PDE1C: variants seen among roughly 807,000 people sequenced by gnomAD.
The protein encoded by PDE1C is dual specificity calcium/calmodulin-dependent 3',5'-cyclic nucleotide phosphodiesterase 1C.
Under a neutral mutation model 93.1 loss-of-function variants are expected in PDE1C, and 62 were observed. That is an observed-to-expected ratio of 0.67 (90% CI 0.54 to 0.82). The LOEUF is 0.82. PDE1C is among the 40% of genes least tolerant of loss of function. PDE1C has a pLI of 0.00. For missense variants in PDE1C, 742 were observed against 884.6 expected (o/e 0.84, Z 2.04); for synonymous variants, 325 against 310.1 (o/e 1.05, Z -0.50).
intron 3 of PDE1C, among the ~76,000 whole-genome samples, chr7:32,109,121 T>A (rs1798505691): frequency 6.6e-6 from 1 of 152,176 alleles, no homozygotes; most frequent in African/African-American, 2.4e-5. Flanking sequence ...GGACACAGCA[T>A]GAGTCACTGA....
chr7:32,052,889 C>A (rs1294776034), intron 1 of PDE1C, among the ~76,000 whole-genome samples: 3 of 152,050 alleles, frequency 2.0e-5, no homozygotes, highest in Non-Finnish European at 4.4e-5. Flanking sequence ...CAAATCACTC[C>A]TTTTTAGTTT....
At chr7:31,650,969 A>G in the PDE1C span, among the ~76,000 whole-genome samples, 11 of 152,082 alleles carry the variant, frequency 7.2e-5, no homozygotes, top group Non-Finnish European at 2.9e-5. Flanking sequence ...CACTGTCACT[A>G]GTTGTTTTGT....
intron 1 of PDE1C, among the ~76,000 whole-genome samples, chr7:32,360,234 C>T (rs193203088): frequency 5.3e-5 from 8 of 152,276 alleles, no homozygotes; most frequent in East Asian, 3.9e-4. Context: ...TACCATGAAA[C>T]GTTAATTGTC....
chr7:32,283,673 C>T (rs1381771127), intron 1 of PDE1C, among the ~76,000 whole-genome samples: 1 of 152,158 alleles, frequency 6.6e-6, no homozygotes, highest in Non-Finnish European at 1.5e-5. Flanking sequence ...ATTACAGCTG[C>T]TATGACAACA....
At chr7:32,207,119 C>T (rs1805630734) in intron 2 of PDE1C, among the ~76,000 whole-genome samples, 1 of 152,098 alleles carries the variant, frequency 6.6e-6, no homozygotes, top group African/African-American at 2.4e-5. Context: ...CTGGTAGATC[C>T]AGAGTCTCAC....
the PDE1C span, chr7:31,656,141 T>C: frequency 1.9e-6 from 1 of 513,604 alleles, no homozygotes; most frequent in Non-Finnish European, 2.5e-6. Context: ...GCTTTTTTGT[T>C]AAAACACTGA....
chr7:32,082,595 G>A (rs1224117895), intron 3 of PDE1C, among the ~76,000 whole-genome samples: 8 of 152,186 alleles, frequency 5.3e-5, no homozygotes, highest in Non-Finnish European at 7.3e-5. Flanking sequence ...TAACTGGGAG[G>A]CACCCCCCAG....
intron 2 of PDE1C, among the ~76,000 whole-genome samples, chr7:31,905,057 C>T (rs1306378911): frequency 6.6e-6 from 1 of 152,074 alleles, no homozygotes; most frequent in African/African-American, 2.4e-5. Flanking sequence ...TCATACAGCT[C>T]ACAGCCTAAT....
intron 2 of PDE1C, among the ~76,000 whole-genome samples, chr7:32,004,874 T>C (rs1188522970): frequency 6.6e-6 from 1 of 152,258 alleles, no homozygotes; most frequent in Non-Finnish European, 1.5e-5. Flanking sequence ...GAATACACTT[T>C]TTAACATATT....
At chr7:32,157,163 C>G (rs1305250191) in intron 3 of PDE1C, among the ~76,000 whole-genome samples, 3 of 152,336 alleles carry the variant, frequency 2.0e-5, no homozygotes, top group Admixed American at 6.5e-5. Flanking sequence ...GGCTGAAAAA[C>G]TGTTTCAGTT....
At chr7:32,299,242 G>A (rs1812819310) in exon 1 of PDE1C, 1 of 987,922 alleles carries the variant, frequency 1.0e-6, no homozygotes, top group Non-Finnish European at 1.2e-6. Flanking sequence ...TGGCAGACCG[G>A]GGAGCTTCCA....
intron 1 of PDE1C, among the ~76,000 whole-genome samples, chr7:32,320,194 G>A (rs550736448): frequency 6.6e-6 from 1 of 152,264 alleles, no homozygotes; most frequent in Admixed American, 6.5e-5. Flanking sequence ...TTTTGTATGT[G>A]CAGTATATTT....
At chr7:31,886,463 T>C (rs1164713049) in intron 2 of PDE1C, among the ~76,000 whole-genome samples, 1 of 152,224 alleles carries the variant, frequency 6.6e-6, no homozygotes, top group Non-Finnish European at 1.5e-5. Flanking sequence ...GGGTGTCTTT[T>C]GTGTGCAGGC....
chr7:32,048,838 T>C (rs1215572836), intron 2 of PDE1C, among the ~76,000 whole-genome samples: 1 of 152,214 alleles, frequency 6.6e-6, no homozygotes, highest in Non-Finnish European at 1.5e-5. Context: ...ATTCACACTT[T>C]AAATGACTTC....
intron 2 of PDE1C, among the ~76,000 whole-genome samples, chr7:32,014,758 G>T (rs906969821): frequency 1.3e-5 from 2 of 152,100 alleles, no homozygotes; most frequent in African/African-American, 4.8e-5. Flanking sequence ...ATGGCTTCCA[G>T]TTTCATCCAT....
At chr7:31,783,738 A>G (rs1041876344) in intron 16 of PDE1C, 7 of 152,124 alleles carry the variant, frequency 4.6e-5, no homozygotes, top group Non-Finnish European at 7.4e-5. Context: ...GTATTTGGAG[A>G]TATGATGCTA....
chr7:31,793,082 A>T lies in PDE1C; in HGVS notation c.1891+15949T>A, dbSNP rs548164837. On this transcript the variant is annotated intron_variant, in intron 16 of 17. Transcript: ENST00000396191. Reference sequence around the variant, plus strand: ...AGGAGCATACAATCATGTTTCAGCAACTTCATTTAGAAAAATGGGAGACGG... The same window carrying T: ...AGGAGCATACAATCATGTTTCAGCATCTTCATTTAGAAAAATGGGAGACGG... Among the ~76,000 whole-genome samples, 16 of 152,170 alleles carry T rather than the reference A, an allele frequency of 1.1e-4. No homozygotes were observed. The East Asian group carries it at 3.1e-3, about 30-fold the overall frequency.
chr7:31,921,328 C>T (rs1347403581), intron 2 of PDE1C, among the ~76,000 whole-genome samples: 6 of 152,166 alleles, frequency 3.9e-5, no homozygotes, highest in African/African-American at 7.2e-5. Context: ...ACACAGCGGA[C>T]ACTGTGCATT....
chr7:31,749,013 A>C (rs1794063993), downstream of PDE1C, among the ~76,000 whole-genome samples: 1 of 152,162 alleles, frequency 6.6e-6, no homozygotes, highest in Non-Finnish European at 1.5e-5. Context: ...TCCTAGACTT[A>C]AAAAATAGTG....
Sources: gnomAD v4.1 joint callset for allele counts (sites outside exome capture counted in the v4.1 genomes callset) on GRCh38, gnomAD v4.1.1 for gene constraint, MANE v1.5 for transcripts, NCBI Gene and HGNC (gene_info 2026-07-23, HGNC 2026-07-21) for gene names.